The following PRKN variants were observed in gnomAD, a reference collection of about 807,000 sequenced individuals.
The protein encoded by PRKN is E3 ubiquitin-protein ligase parkin.
PRKN carries 56 observed loss-of-function variants against 59.5 expected under a neutral mutation model. The ratio of observed to expected loss-of-function variants is 0.94; its 90% CI spans 0.76 to 1.18. PRKN has a LOEUF of 1.18. Ranked by LOEUF, PRKN falls within the 50% of genes most tolerant of loss-of-function variation. The pLI is 0.00. For missense variants in PRKN, 657 were observed against 596.4 expected (o/e 1.10, Z -1.06); for synonymous variants, 250 against 222.1 (o/e 1.13, Z -1.12).
intron 6 of PRKN, among the ~76,000 whole-genome samples, chr6:161,919,772 C>T (rs891591272): frequency 7.9e-5 from 12 of 152,180 alleles, no homozygotes; most frequent in African/African-American, 2.4e-4. Context: ...GTACAGGGGT[C>T]TACTACATGT....
chr6:162,465,004 G>A (rs1043578749), intron 1 of PRKN, among the ~76,000 whole-genome samples: 1 of 152,110 alleles, frequency 6.6e-6, no homozygotes, highest in Non-Finnish European at 1.5e-5. Context: ...CTCAGGGCAA[G>A]CATCTATGTA....
At chr6:161,910,702 C>T (rs1778327010) in intron 6 of PRKN, among the ~76,000 whole-genome samples, 2 of 152,150 alleles carry the variant, frequency 1.3e-5, no homozygotes, top group South Asian at 4.1e-4. Context: ...TTCTTTCACA[C>T]ATGAAAGGAA....
At chr6:162,714,407 T>G (rs1778649571) in intron 1 of PRKN, among the ~76,000 whole-genome samples, 2 of 152,158 alleles carry the variant, frequency 1.3e-5, no homozygotes, top group Non-Finnish European at 2.9e-5. Context: ...GAGCAGGCAC[T>G]GAAACAAACC....
intron 7 of PRKN, among the ~76,000 whole-genome samples, chr6:161,724,929 A>G (rs372114725): frequency 6.2e-4 from 94 of 152,326 alleles, no homozygotes; most frequent in African/African-American, 2.1e-3. Context: ...CTGTCTTCAC[A>G]AATAGTGAGT....
intron 9 of PRKN, among the ~76,000 whole-genome samples, chr6:161,507,891 G>A (rs571620656): frequency 6.6e-6 from 1 of 152,152 alleles, no homozygotes; most frequent in South Asian, 2.1e-4. Context: ...TGTATGCTCA[G>A]TGCAAAACAT....
At chr6:162,183,515 T>C (rs921724283) in intron 4 of PRKN, among the ~76,000 whole-genome samples, 11 of 152,192 alleles carry the variant, frequency 7.2e-5, no homozygotes, top group African/African-American at 2.4e-4. Context: ...CCCTCCTGTC[T>C]TGGTATGGGG....
chr6:161,915,411 AC>A (rs1185551392), intron 6 of PRKN, among the ~76,000 whole-genome samples: 125 of 152,152 alleles, frequency 8.2e-4, no homozygotes, highest in African/African-American at 3.0e-3. Context: ...TTCACTCTTA[AC>A]CCTCACATCA....
Position 161,480,875 on chromosome 6 carries a change from T to A in PRKN, c.1083+67979A>T, listed in dbSNP as rs1791357451. Among the ~76,000 whole-genome samples, 1 of 152,282 alleles carries A rather than the reference T, an allele frequency of 6.6e-6. No homozygotes were observed. Among genetic ancestry groups the A allele is most frequent in the Non-Finnish European group, 1.5e-5 (1 of 68,052 alleles). ...ATTAGCATTAGAGAAACCATTTTCA[T>A]AAGCAGTGTGCTAACAACCCATTGG... On this transcript the variant is annotated intron_variant, in intron 9 of 11. Transcript: ENST00000366898. This position sits in a 1 kb window ranked among gnomAD's most constrained non-coding sequence, Gnocchi z 4.1.
chr6:161,780,018 C>A (rs1790137048), intron 7 of PRKN, among the ~76,000 whole-genome samples: 1 of 152,174 alleles, frequency 6.6e-6, no homozygotes, highest in Non-Finnish European at 1.5e-5. Context: ...ATGCTTAAAT[C>A]ACAACCAAAA....
chr6:162,364,664 C>T (rs1269831340), intron 2 of PRKN, among the ~76,000 whole-genome samples: 1 of 152,090 alleles, frequency 6.6e-6, no homozygotes, highest in Non-Finnish European at 1.5e-5. Context: ...ATTATCTTAA[C>T]ATGCGGCGAG....
At chr6:162,271,691 T>C (rs1346781358) in intron 2 of PRKN, among the ~76,000 whole-genome samples, 2 of 152,174 alleles carry the variant, frequency 1.3e-5, no homozygotes, top group Admixed American at 1.3e-4. Flanking sequence ...AAAAAGGGAA[T>C]TGTTCCCAGT....
chr6:162,516,616 G>A (rs1259059497), intron 1 of PRKN, among the ~76,000 whole-genome samples: 1 of 151,980 alleles, frequency 6.6e-6, no homozygotes, highest in Non-Finnish European at 1.5e-5. Flanking sequence ...GCTGAGCATG[G>A]TGGTGCAGCC....
At chr6:162,300,845 C>G (rs1218388293) in intron 2 of PRKN, among the ~76,000 whole-genome samples, 1 of 152,080 alleles carries the variant, frequency 6.6e-6, no homozygotes, top group Non-Finnish European at 1.5e-5. Flanking sequence ...CCATTAACAA[C>G]CTTGTCTTCA....
At chr6:162,005,769 C>CAAATATATTATTTT (rs1554259682) in intron 5 of PRKN, among the ~76,000 whole-genome samples, 1 of 152,018 alleles carries the variant, frequency 6.6e-6, no homozygotes, top group Non-Finnish European at 1.5e-5. Flanking sequence ...CAAATCTAAC[C>CAAATATATTATTTT]TTTTTTGGGG....
chr6:161,815,847 C>A (rs1053761994), intron 6 of PRKN, among the ~76,000 whole-genome samples: 4 of 152,158 alleles, frequency 2.6e-5, no homozygotes, highest in African/African-American at 9.7e-5. Flanking sequence ...GAAAACTGTA[C>A]GACGGGTTCA....
At chr6:162,043,968 CA>C (rs546357601) in intron 5 of PRKN, among the ~76,000 whole-genome samples, 21 of 152,258 alleles carry the variant, frequency 1.4e-4, no homozygotes, top group Admixed American at 7.8e-4. Context: ...CCAATAAATA[CA>C]AGAAAAGAGT....
intron 6 of PRKN, among the ~76,000 whole-genome samples, chr6:161,897,700 G>A (rs1375937943): frequency 2.0e-5 from 3 of 149,670 alleles, no homozygotes; most frequent in African/African-American, 4.9e-5. Flanking sequence ...TCCCAGTTGC[G>A]GCCGGGCGCG....
chr6:162,279,630 C>T (rs140444806), intron 2 of PRKN, among the ~76,000 whole-genome samples: 1,738 of 152,180 alleles, frequency 0.011, 36 homozygotes, highest in African/African-American at 0.039. Context: ...AGAACAAGTG[C>T]TATGTGGTGC....
intron 1 of PRKN, among the ~76,000 whole-genome samples, chr6:162,680,248 T>C (rs1267008361): frequency 2.0e-5 from 3 of 151,010 alleles, no homozygotes; most frequent in Non-Finnish European, 4.4e-5. Flanking sequence ...TATGTGTGTA[T>C]ATACAGATAC....
Sources: gnomAD v4.1 joint callset for allele counts (sites outside exome capture counted in the v4.1 genomes callset) on GRCh38, gnomAD v4.1.1 for gene constraint, Gnocchi (gnomAD v3.1) non-coding constraint, MANE v1.5 for transcripts, NCBI Gene and HGNC (gene_info 2026-07-23, HGNC 2026-07-21) for gene names.